Variants in CMBL observed in about 807,000 individuals in gnomAD.
The protein encoded by CMBL is carboxymethylenebutenolidase homolog.
In CMBL, 17 loss-of-function variants were observed where a neutral mutation model predicts 28.7. The observed-to-expected ratio is 0.59, with a 90% CI of 0.41 to 0.89. The LOEUF is 0.89. CMBL is among the 40% of genes least tolerant of loss of function. CMBL has a pLI of 0.00. For missense variants in CMBL, 310 were observed against 298.5 expected, an observed-to-expected ratio of 1.04 and a Z score of -0.28; for synonymous variants, 106 against 101.6, an observed-to-expected ratio of 1.04 and a Z score of -0.26.
intron 3 of CMBL, 83 bp downstream of exon 3, chr5:10,288,339 G>C (rs1484878214): frequency 1.1e-6 from 1 of 929,670 alleles, no homozygotes; most frequent in African/African-American, 1.6e-5. Context: ...AAGGTAAGGA[G>C]TAGTGTCTGA....
At chr5:10,286,611 T>C in intron 3 of CMBL, 115 bp from the exon 4 acceptor site, 1 of 951,614 alleles carries the variant, frequency 1.1e-6, no homozygotes, top group Non-Finnish European at 1.5e-6. Context: ...TGCCAAGGTT[T>C]CTTCTTTTGG....
Position 10,286,388 on chromosome 5 carries a change from T to A in CMBL, c.432A>T (p.Lys144Asn). 1 of 1,614,086 alleles carries A rather than the reference T, an allele frequency of 6.2e-7. No individual in the cohort carries two copies. Among genetic ancestry groups the A allele is most frequent in the Non-Finnish European group, 8.5e-7 (1 of 1,179,996 alleles). The change falls in exon 4 of 6, where the codon AAA becomes AAT. Residue 144 changes from lysine to asparagine, a missense_variant. Transcript: ENST00000296658. ...ACACCCCTGCCCTGAATTCTGAGTA[T>A]TTCATCATCAAATGATGGACAGCAG... Reference protein sequence around the residue: ...GGTAVHHLMMKYSEFRAGVSV... With the variant: ...GGTAVHHLMMNYSEFRAGVSV...
intron 1 of CMBL, among the ~76,000 whole-genome samples, chr5:10,304,515 G>A (rs1222135101): frequency 1.3e-5 from 2 of 152,166 alleles, no homozygotes; most frequent in Non-Finnish European, 2.9e-5. Flanking sequence ...TCTGGCCAGA[G>A]ACTACACTTC....
In CMBL at chr5:10,280,357, A is replaced by C; in HGVS notation, c.*96T>G. On this transcript the variant is annotated 3_prime_UTR_variant, in exon 6 of 6. Coordinates refer to ENST00000296658, the MANE Select transcript of CMBL (RefSeq NM_138809.4). Reference sequence around the variant, plus strand: ...AATCAATTTTAGGATTCCTACACTTATTTTATAAAAGTGAAAATTAAATCA... The same window carrying C: ...AATCAATTTTAGGATTCCTACACTTCTTTTATAAAAGTGAAAATTAAATCA... The C allele has an allele frequency of 1.1e-6, 1 of 935,788 alleles. No individual in the cohort carries two copies. The highest frequency in any genetic ancestry group is 1.6e-6 in the Non-Finnish European group (1 of 640,064). 58.0% of individuals were successfully genotyped at this position (935,788 alleles called of 1,614,324 possible). A position where few individuals can be genotyped will look rare whatever the true frequency, so the allele number is the denominator to read the frequency against.
At position 10,290,771 on chromosome 5, in the gene CMBL, T is replaced by A. The variant is rs200802751; in HGVS notation, c.-9A>T. On this transcript the variant is annotated 5_prime_UTR_variant, in exon 2 of 6. Coordinates refer to ENST00000296658, the MANE Select transcript of CMBL (RefSeq NM_138809.4). ...TAAGCTTCGTTAGCCATTGCAGAGA[T>A]TTAAGTCGGGCTATGGAGAGAGAAA... 81 of 1,612,366 alleles carry A rather than the reference T, an allele frequency of 5.0e-5. No individual in the cohort carries two copies. The African/African-American group carries it at 7.9e-4, about 16-fold the overall frequency.
chr5:10,292,761 T>C (rs1274394740), intron 1 of CMBL, among the ~76,000 whole-genome samples: 1 of 147,668 alleles, frequency 6.8e-6, no homozygotes, highest in African/African-American at 2.5e-5. Context: ...GAGGTGGAGG[T>C]TGCAGTGAGC....
At chr5:10,285,044 T>A (rs1746573263) in intron 4 of CMBL, among the ~76,000 whole-genome samples, 1 of 152,064 alleles carries the variant, frequency 6.6e-6, no homozygotes, top group Admixed American at 6.6e-5. Context: ...CTCCCTGTCA[T>A]CCAGGTTGGA....
At chr5:10,281,537 A>T in intron 5 of CMBL, among the ~76,000 whole-genome samples, 1 of 152,202 alleles carries the variant, frequency 6.6e-6, no homozygotes, top group East Asian at 1.9e-4. Flanking sequence ...CTTTTGAACC[A>T]TACTTTTCTT....
intron 4 of CMBL, among the ~76,000 whole-genome samples, chr5:10,284,544 T>C (rs959995782): frequency 5.3e-5 from 8 of 152,186 alleles, no homozygotes; most frequent in Admixed American, 3.9e-4. Context: ...AACCATTCTG[T>C]TTTTCACTTT....
intron 4 of CMBL, among the ~76,000 whole-genome samples, chr5:10,284,593 C>T (rs116052553): frequency 0.021 from 3,211 of 152,300 alleles, 111 homozygotes; most frequent in African/African-American, 0.071. Context: ...ACATTCAAGA[C>T]TTTATTATAA....
In CMBL at chr5:10,289,585, G is replaced by T. The variant is rs1021616835; in HGVS notation, c.215+963C>A. On this transcript the variant is annotated intron_variant, in intron 2 of 5. Coordinates refer to ENST00000296658, the MANE Select transcript of CMBL (RefSeq NM_138809.4). The surrounding 1 kb of genome is among the most constrained non-coding windows in gnomAD (Gnocchi z 4.3). ...AGCTCCTCCCTCAAGGGGCTGCCAG[G>T]AGGACTAAGGGCAATGAGCCCAGTC... Among the ~76,000 whole-genome samples, 5 of 152,190 alleles carry T rather than the reference G, an allele frequency of 3.3e-5. No individual in the cohort carries two copies. Among genetic ancestry groups the T allele is most frequent in the African/African-American group, 1.2e-4 (5 of 41,442 alleles).
intron 4 of CMBL, 119 bp from the exon 5 acceptor site, chr5:10,282,407 A>C (rs10067826): frequency 0.081 from 51,016 of 630,502 alleles, 2,727 homozygotes; most frequent in African/African-American, 0.22. Context: ...TTTGGGTTTG[A>C]TTTTTCAAAG....
intron 1 of CMBL, among the ~76,000 whole-genome samples, chr5:10,299,857 G>A (rs1746865946): frequency 1.3e-5 from 2 of 151,882 alleles, no homozygotes; most frequent in African/African-American, 4.8e-5. Flanking sequence ...GAGAGAGAGA[G>A]AAATTTGCAC....
At chr5:10,282,050 C>G (rs958723354) in intron 5 of CMBL, 147 bp downstream of exon 5, 4 of 581,382 alleles carry the variant, frequency 6.9e-6, no homozygotes, top group Admixed American at 5.9e-5. Context: ...GTCCCAGCTA[C>G]TCGGGAGGCT....
chr5:10,298,777 C>T (rs543877409), intron 1 of CMBL, among the ~76,000 whole-genome samples: 65 of 152,192 alleles, frequency 4.3e-4, no homozygotes, highest in Non-Finnish European at 7.9e-4. Context: ...CCTGTAATCC[C>T]AGCTACTCCG....
At position 10,284,206 on chromosome 5, in the gene CMBL, C is replaced by G. The variant is rs571287002; in HGVS notation, c.467-1918G>C. On this transcript the variant is annotated intron_variant, in intron 4 of 5. Transcript: ENST00000296658. ...GTGGCGCCGGGGAGGCATCCACTCCCGACCGCCTTTTGCTAAATCGCGCAA... is the reference window on the plus strand; with the variant it reads ...GTGGCGCCGGGGAGGCATCCACTCCGGACCGCCTTTTGCTAAATCGCGCAA... Among the ~76,000 whole-genome samples the G allele has an allele frequency of 1.2e-4, 19 of 152,358 alleles. No homozygotes were observed. The East Asian group carries it at 3.7e-3, about 29-fold the overall frequency.
At chr5:10,282,466 G>C (rs1033705871) in intron 4 of CMBL, among the ~76,000 whole-genome samples, 178 bp from the exon 5 acceptor site, 1 of 152,076 alleles carries the variant, frequency 6.6e-6, no homozygotes, top group African/African-American at 2.4e-5. Context: ...CCATTCCACA[G>C]AAGTGGCCCC....
Position 10,289,199 on chromosome 5 carries a change from C to A in CMBL, c.216-670G>T, listed in dbSNP as rs1746660944. Among the ~76,000 whole-genome samples, 1 of 152,268 alleles carries A rather than the reference C, an allele frequency of 6.6e-6. No individual in the cohort carries two copies. Among genetic ancestry groups the A allele is most frequent in the South Asian group, 2.1e-4 (1 of 4,824 alleles). On this transcript the variant is annotated intron_variant, in intron 2 of 5. Coordinates refer to ENST00000296658, the MANE Select transcript of CMBL (RefSeq NM_138809.4). This position sits in a 1 kb window ranked among gnomAD's most constrained non-coding sequence, Gnocchi z 4.3. ...GGCTCCTCCTATAGGGGTAGAAGAA[C>A]ACTGAAACTGGAGTGAGAAAATCCA... is the stretch of plus-strand genomic sequence containing the variant.
intron 1 of CMBL, among the ~76,000 whole-genome samples, chr5:10,291,317 T>A (rs6867681): frequency 2.0e-5 from 3 of 152,066 alleles, no homozygotes; most frequent in South Asian, 2.1e-4. Context: ...CAGGCTCAGG[T>A]GTGTGCGAAG....
Sources: allele counts gnomAD v4.1 joint callset (sites outside exome capture counted in the v4.1 genomes callset), GRCh38; gene constraint gnomAD v4.1.1; non-coding constraint Gnocchi (gnomAD v3.1); transcripts MANE v1.5; gene names NCBI Gene and HGNC (gene_info 2026-07-23, HGNC 2026-07-21).